The following CNGB3 variants were observed in gnomAD, a reference collection of about 807,000 sequenced individuals.
CNGB3 encodes cyclic nucleotide-gated channel beta-3.
Under a neutral mutation model 92.8 loss-of-function variants are expected in CNGB3, and 86 were observed. The observed-to-expected ratio is 0.93, with a 90% CI of 0.78 to 1.11. CNGB3 has a LOEUF of 1.11. CNGB3 is among the 50% of genes least tolerant of loss of function. CNGB3 has a pLI of 0.00. For missense variants in CNGB3, 1,026 were observed against 956.8 expected, an observed-to-expected ratio of 1.07 and a Z score of -0.95; for synonymous variants, 333 against 332.7, an observed-to-expected ratio of 1.00 and a Z score of -0.01.
chr8:86,645,366 T>C (rs941719268), intron 8 of CNGB3, among the ~76,000 whole-genome samples: 24 of 151,366 alleles, frequency 1.6e-4, no homozygotes, highest in Admixed American at 6.6e-4. Context: ...GGCAGTAAAG[T>C]ATGGAATCCA....
intron 3 of CNGB3, among the ~76,000 whole-genome samples, chr8:86,687,981 C>T (rs1228569996): frequency 1.3e-5 from 2 of 151,922 alleles, no homozygotes; most frequent in East Asian, 3.9e-4. Context: ...AATTGTGTGA[C>T]ATTCACAGTG....
In CNGB3 at chr8:86,629,023, A is replaced by G. The variant is rs375886578; in HGVS notation, c.1376T>C (p.Met459Thr). 1.2e-5 allele frequency: 19 copies of G among 1,613,958 alleles called. No individual in the cohort carries two copies. In the African/African-American group the frequency reaches 2.0e-4, roughly 17 times the overall value. ...GTTCATGTAGGCAATGGTGTCATCC[A>G]TGCAGGCGCGGAAGTAGTTCTGATT... ...TANQNYFRACMDDTIAYMNNY... is the reference protein window; with the variant it reads ...TANQNYFRACTDDTIAYMNNY... The change falls in exon 12 of 18, where the codon ATG (methionine) becomes ACG (threonine). Residue 459 changes from methionine to threonine, a missense_variant. Met to Thr is a moderately conservative substitution (Grantham distance 81). Coordinates refer to ENST00000320005, the MANE Select transcript of CNGB3 (RefSeq NM_019098.5).
intron 3 of CNGB3, among the ~76,000 whole-genome samples, chr8:86,679,200 A>G (rs1824033487): frequency 6.6e-6 from 1 of 152,214 alleles, no homozygotes; most frequent in East Asian, 1.9e-4. Context: ...TTCTGTATTC[A>G]CTTTGAAGAT....
At chr8:86,743,041 C>T (rs530665482) in intron 1 of CNGB3, among the ~76,000 whole-genome samples, 1 of 152,254 alleles carries the variant, frequency 6.6e-6, no homozygotes, top group South Asian at 2.1e-4. Context: ...GCTATGACAA[C>T]TGAAAGTGTC....
chr8:86,700,405 G>A (rs903022827), intron 3 of CNGB3, among the ~76,000 whole-genome samples: 2 of 152,088 alleles, frequency 1.3e-5, no homozygotes, highest in African/African-American at 2.4e-5. Context: ...TCAACTAGTT[G>A]CATTTAAGTG....
At chr8:86,658,164 G>C in intron 6 of CNGB3, 1 of 539,378 alleles carries the variant, frequency 1.9e-6, no homozygotes, top group Non-Finnish European at 3.4e-6. Flanking sequence ...TCTGGACTGA[G>C]GCCACCAGGT....
chr8:86,640,442 T>A (rs185502873), intron 10 of CNGB3, among the ~76,000 whole-genome samples: 75 of 152,150 alleles, frequency 4.9e-4, no homozygotes, highest in African/African-American at 1.6e-3. Flanking sequence ...GAAAGAGAGA[T>A]AGCTAAATCC....
chr8:86,697,134 T>C (rs1824464942), intron 3 of CNGB3, among the ~76,000 whole-genome samples: 1 of 152,168 alleles, frequency 6.6e-6, no homozygotes. Flanking sequence ...GATGATAACA[T>C]ATTTTGGGTG....
chr8:86,629,193 T>C, intron 11 of CNGB3, 115 bp from the exon 12 acceptor site: 1 of 1,195,350 alleles, frequency 8.4e-7, no homozygotes, highest in Non-Finnish European at 1.2e-6. Context: ...TACTTGATTT[T>C]ATTCATTCAT....
At chr8:86,702,907 A>G (rs1021608703) in intron 3 of CNGB3, among the ~76,000 whole-genome samples, 11 of 151,880 alleles carry the variant, frequency 7.2e-5, no homozygotes, top group Non-Finnish European at 7.4e-5. Context: ...CTAATTATTC[A>G]TATTTGCCTT....
In CNGB3 at chr8:86,646,926, C is replaced by T. The variant is rs188222928; in HGVS notation, c.990+875G>A. 3.6e-4 allele frequency among the ~76,000 whole-genome samples: 55 copies of T among 151,210 alleles called. No individual in the cohort carries two copies. The East Asian group carries it at 0.01, about 28-fold the overall frequency. On this transcript the variant is annotated intron_variant, in intron 8 of 17. Transcript: ENST00000320005. ...AACAATATGAAATATATGCTTCCAA[C>T]AGTCTCACTCTTACTCTTGCCCCTA...
At chr8:86,711,565 A>T (rs1259607359) in intron 3 of CNGB3, among the ~76,000 whole-genome samples, 2 of 152,160 alleles carry the variant, frequency 1.3e-5, no homozygotes, top group African/African-American at 4.8e-5. Flanking sequence ...TCTCTCCATG[A>T]TAAATAGTGA....
intron 3 of CNGB3, among the ~76,000 whole-genome samples, chr8:86,711,136 A>G (rs72694120): frequency 9.5e-4 from 144 of 152,274 alleles, no homozygotes; most frequent in Non-Finnish European, 1.5e-3. Flanking sequence ...CCTTTTCCAT[A>G]TGGCAACCCT....
At position 86,579,148 on chromosome 8, in the gene CNGB3, A is replaced by G; in HGVS notation, c.1886T>C (p.Val629Ala). The stretch of plus-strand genomic sequence containing the variant: ...GATCCTTTCAGAATCTGGATAATGC[A>G]CTAGAATTTCTTGGAGGGTCTTTTT... ...LDKKTLQEILVHYPDSERILM... is the reference protein window; with the variant it reads ...LDKKTLQEILAHYPDSERILM... The change falls in exon 16 of 18, where the codon GTG (valine) becomes GCG (alanine). Residue 629 changes from valine to alanine, a missense_variant. By Grantham distance (64) the Val-to-Ala change is moderately conservative (BLOSUM62 0). Transcript: ENST00000320005. The G allele has an allele frequency of 6.2e-7, 1 of 1,614,170 alleles. No individual in the cohort carries two copies. Among genetic ancestry groups the G allele is most frequent in the Non-Finnish European group, 8.5e-7 (1 of 1,180,028 alleles).
rs147011872 is a variant in CNGB3, at chr8:86,639,418, T to C, written c.1178+4333A>G. Among the ~76,000 whole-genome samples the C allele has an allele frequency of 7.6e-3, 1,151 of 152,200 alleles. 16 individuals carry two copies. The highest frequency in any genetic ancestry group is 0.025 in the African/African-American group (1,040 of 41,560). On this transcript the variant is annotated intron_variant, in intron 10 of 17. Coordinates refer to ENST00000320005, the MANE Select transcript of CNGB3 (RefSeq NM_019098.5). Reference sequence around the variant, plus strand: ...TCAATATAAATAAAAATGCCTTCTATTGATGTGAATAGAAATTGCTGTTCT... The same window carrying C: ...TCAATATAAATAAAAATGCCTTCTACTGATGTGAATAGAAATTGCTGTTCT...
At chr8:86,735,041 G>GT (rs1825221676) in intron 2 of CNGB3, among the ~76,000 whole-genome samples, 1 of 45,008 alleles carries the variant, frequency 2.2e-5, no homozygotes, top group Admixed American at 2.7e-4. Context: ...AAATGCCGGT[G>GT]GTTTTTTTTT....
At chr8:86,632,655 C>A in intron 11 of CNGB3, 97 bp downstream of exon 11, 1 of 1,292,082 alleles carries the variant, frequency 7.7e-7, no homozygotes, top group South Asian at 1.3e-5. Context: ...AAAGAAGAAC[C>A]AGACAGATTT....
intron 3 of CNGB3, among the ~76,000 whole-genome samples, chr8:86,705,777 A>G (rs1267991737): frequency 6.6e-6 from 1 of 152,194 alleles, no homozygotes; most frequent in Non-Finnish European, 1.5e-5. Context: ...GTCGGCAGTG[A>G]GACAGTAAGT....
rs1992405 is a variant in CNGB3 at position 86,592,903 on chromosome 8, T to G, written c.1781+11190A>C. ...TTGTCAACATTATTAGGAAACACTT[T>G]ATTCCTTGCAACTTTAAAACTTGAC... On this transcript the variant is annotated intron_variant, in intron 15 of 17. Transcript: ENST00000320005. Among the ~76,000 whole-genome samples, 38 of 152,126 alleles carry G rather than the reference T, an allele frequency of 2.5e-4. No homozygotes were observed. The East Asian group carries it at 7.0e-3, about 28-fold the overall frequency.
Sources: gnomAD v4.1 joint callset for allele counts (sites outside exome capture counted in the v4.1 genomes callset) on GRCh38, gnomAD v4.1.1 for gene constraint, MANE v1.5 for transcripts, NCBI Gene and HGNC (gene_info 2026-07-23, HGNC 2026-07-21) for gene names.